The following LRRC63 variants were observed in gnomAD, a reference collection of about 807,000 sequenced individuals.
LRRC63 encodes leucine-rich repeat-containing protein 63.
LRRC63 carries 40 observed loss-of-function variants against 49.5 expected under a neutral mutation model. The observed-to-expected ratio is 0.81, with a 90% CI of 0.63 to 1.05. LRRC63 has a LOEUF of 1.05. Among genes scored for constraint, LRRC63 ranks in the 50% least tolerant of loss-of-function variants. The pLI is 0.00. For synonymous variants in LRRC63, 191 were observed against 221.1 expected, an observed-to-expected ratio of 0.86 and a Z score of 1.21; for missense variants, 636 against 663.1, an observed-to-expected ratio of 0.96 and a Z score of 0.45.
At chr13:46,264,261 A>G (rs2047652440) in intron 8 of LRRC63, among the ~76,000 whole-genome samples, 1 of 152,200 alleles carries the variant, frequency 6.6e-6, no homozygotes, top group Admixed American at 6.5e-5. Flanking sequence ...AATTATTTGA[A>G]TCAGCCAGCT....
intron 7 of LRRC63, among the ~76,000 whole-genome samples, chr13:46,257,005 G>A (rs970982681): frequency 6.6e-6 from 1 of 152,156 alleles, no homozygotes; most frequent in African/African-American, 2.4e-5. Context: ...CTTAAAGTAG[G>A]GAGATTATTC....
At chr13:46,258,538 G>GCA (rs1594089218) in intron 7 of LRRC63, among the ~76,000 whole-genome samples, 2 of 151,192 alleles carry the variant, frequency 1.3e-5, no homozygotes, top group African/African-American at 4.9e-5. Context: ...GGCTGGGCAT[G>GCA]GTGGCTCACG....
chr13:46,251,732 A>G (rs1429625817), intron 7 of LRRC63, among the ~76,000 whole-genome samples: 1 of 151,898 alleles, frequency 6.6e-6, no homozygotes, highest in Non-Finnish European at 1.5e-5. Flanking sequence ...CACACACAGA[A>G]CTATATATGT....
chr13:46,258,412 A>G (rs2138563279), intron 7 of LRRC63, among the ~76,000 whole-genome samples: 1 of 149,054 alleles, frequency 6.7e-6, no homozygotes, highest in East Asian at 2.1e-4. Flanking sequence ...TACAGGCGTG[A>G]GCCCCCGCAC....
At chr13:46,272,023 T>TG (rs2047766829) in intron 9 of LRRC63, among the ~76,000 whole-genome samples, 1 of 152,140 alleles carries the variant, frequency 6.6e-6, no homozygotes, top group African/African-American at 2.4e-5. Context: ...TGTTGCACTT[T>TG]GGGGCAATAT....
intron 8 of LRRC63, among the ~76,000 whole-genome samples, chr13:46,264,052 T>A (rs1439897310): frequency 6.6e-6 from 1 of 152,226 alleles, no homozygotes; most frequent in African/African-American, 2.4e-5. Flanking sequence ...CACAGTAGCC[T>A]CCATCATTGT....
chr13:46,246,578 A>G, exon 6 of LRRC63: 2 of 1,473,216 alleles, frequency 1.4e-6, no homozygotes, highest in South Asian at 1.4e-5. Flanking sequence ...TTTCCAGTTG[A>G]TATATCTTAA....
In LRRC63 at chr13:46,223,223, TA is replaced by T. The variant is rs1000873613; in HGVS notation, c.86-4281del. On this transcript the variant is annotated intron_variant, in intron 2 of 9. Coordinates refer to ENST00000595396, the Ensembl canonical transcript of LRRC63. ...ACTTAAAGTATAATAATAATAAAAT[TA>T]AAAAAAAGAAAAAAAATATAAAAAG... Among the ~76,000 whole-genome samples, 8 of 151,306 alleles carry T rather than the reference TA, an allele frequency of 5.3e-5. No homozygotes were observed. The East Asian group carries it at 7.7e-4, about 15-fold the overall frequency.
intron 9 of LRRC63, among the ~76,000 whole-genome samples, chr13:46,273,420 G>T (rs986626242): frequency 2.0e-5 from 3 of 151,958 alleles, no homozygotes; most frequent in Non-Finnish European, 4.4e-5. Flanking sequence ...GGCTAATGTG[G>T]TGAAACCCTG....
chr13:46,233,814 A>G (rs2046829869), intron 4 of LRRC63, among the ~76,000 whole-genome samples: 1 of 152,206 alleles, frequency 6.6e-6, no homozygotes, highest in Non-Finnish European at 1.5e-5. Context: ...TTCTTACATG[A>G]TGTTGCTTAT....
chr13:46,213,112 C>T (rs1432481651), exon 2 of LRRC63: 1 of 1,540,696 alleles, frequency 6.5e-7, no homozygotes, highest in African/African-American at 1.4e-5. Flanking sequence ...AGAAAAAAAC[C>T]CATACAGGTA....
intron 8 of LRRC63, among the ~76,000 whole-genome samples, chr13:46,265,576 C>G (rs12584783): frequency 0.23 from 34,607 of 152,028 alleles, 4,633 homozygotes; most frequent in East Asian, 0.35. Context: ...TATAAGGGCA[C>G]TAATCTCACG....
intron 7 of LRRC63, among the ~76,000 whole-genome samples, chr13:46,252,797 G>T (rs944815555): frequency 2.0e-5 from 3 of 151,982 alleles, no homozygotes; most frequent in Non-Finnish European, 4.4e-5. Flanking sequence ...TATAACATGA[G>T]ATGGGAAATA....
chr13:46,243,742 G>C (rs2047131939), intron 5 of LRRC63, among the ~76,000 whole-genome samples: 1 of 152,194 alleles, frequency 6.6e-6, no homozygotes, highest in African/African-American at 2.4e-5. Flanking sequence ...CTCCCAAAGT[G>C]CTGGGATAAC....
intron 5 of LRRC63, among the ~76,000 whole-genome samples, chr13:46,245,063 G>A (rs1296072176): frequency 1.3e-5 from 2 of 152,090 alleles, no homozygotes; most frequent in African/African-American, 4.8e-5. Context: ...TAGCTGACTA[G>A]GTAGAAAATA....
intron 5 of LRRC63, among the ~76,000 whole-genome samples, chr13:46,238,661 C>A (rs2046971118): frequency 1.3e-5 from 2 of 152,090 alleles, no homozygotes; most frequent in Non-Finnish European, 1.5e-5. Flanking sequence ...AAAACTCACC[C>A]CTATGATTCA....
At chr13:46,247,421 T>C (rs568382023) in intron 6 of LRRC63, among the ~76,000 whole-genome samples, 2 of 152,284 alleles carry the variant, frequency 1.3e-5, no homozygotes, top group South Asian at 4.1e-4. Context: ...TTAACCTTTC[T>C]TCTAAGTAGA....
At chr13:46,213,146 T>C in intron 2 of LRRC63, 27 bp downstream of exon 2, 1 of 1,379,122 alleles carries the variant, frequency 7.3e-7, no homozygotes, top group Non-Finnish European at 9.9e-7. Flanking sequence ...GATATGTGTA[T>C]TAACATTTAT....
intron 7 of LRRC63, among the ~76,000 whole-genome samples, chr13:46,253,254 A>G (rs1045082312): frequency 6.6e-6 from 1 of 152,018 alleles, no homozygotes; most frequent in African/African-American, 2.4e-5. Context: ...ATCTCTAGTT[A>G]GAGTGAAACA....
Sources: gnomAD v4.1 joint callset for allele counts (sites outside exome capture counted in the v4.1 genomes callset) on GRCh38, gnomAD v4.1.1 for gene constraint, MANE v1.5 for transcripts, NCBI Gene and HGNC (gene_info 2026-07-23, HGNC 2026-07-21) for gene names.